CPNE8: variants seen among roughly 807,000 people sequenced by gnomAD.
The protein encoded by CPNE8 is copine-8.
Under a neutral mutation model 81.5 loss-of-function variants are expected in CPNE8, and 45 were observed. The ratio of observed to expected loss-of-function variants is 0.55; its 90% confidence interval spans 0.44 to 0.71. The LOEUF is 0.71. Among genes scored for constraint, CPNE8 ranks in the 30% least tolerant of loss-of-function variants. The pLI is 0.00. For synonymous variants in CPNE8, 252 were observed against 226.3 expected (o/e 1.11, Z -1.02); for missense variants, 594 against 672.1 (o/e 0.88, Z 1.28).
At chr12:38,751,657 T>C (rs1398297658) in intron 10 of CPNE8, among the ~76,000 whole-genome samples, 1 of 152,150 alleles carries the variant, frequency 6.6e-6, no homozygotes, top group Non-Finnish European at 1.5e-5. Flanking sequence ...TTTTCAGTGA[T>C]AGAGTTAATC....
At chr12:38,724,714 C>A in intron 12 of CPNE8, 132 bp downstream of exon 12, 1 of 585,638 alleles carries the variant, frequency 1.7e-6, no homozygotes, top group Non-Finnish European at 2.9e-6. Flanking sequence ...TATTGTGTTC[C>A]TTCATATTAA....
chr12:38,747,655 C>A (rs1038252217), intron 10 of CPNE8, among the ~76,000 whole-genome samples: 1 of 151,988 alleles, frequency 6.6e-6, no homozygotes, highest in African/African-American at 2.4e-5. Flanking sequence ...TAGACATTAG[C>A]CACCTGCATT....
At chr12:38,855,144 T>A (rs997044247) in intron 3 of CPNE8, among the ~76,000 whole-genome samples, 6 of 151,088 alleles carry the variant, frequency 4.0e-5, no homozygotes, top group South Asian at 2.1e-4. Context: ...CCATTCACAA[T>A]AACATGAAAA....
intron 6 of CPNE8, among the ~76,000 whole-genome samples, chr12:38,799,404 G>A (rs1254886883): frequency 4.6e-5 from 7 of 152,028 alleles, no homozygotes; most frequent in African/African-American, 1.7e-4. Flanking sequence ...ACTCTAAACT[G>A]CTCAACTACA....
At chr12:38,905,660 G>A, upstream of CPNE8, 1 of 1,486,498 alleles carries the variant, frequency 6.7e-7, no homozygotes, top group Non-Finnish European at 9.0e-7. Flanking sequence ...CGGAGGCAGC[G>A]CGCGGGATGG....
At chr12:38,842,238 T>G (rs1161796412) in intron 4 of CPNE8, among the ~76,000 whole-genome samples, 2 of 152,076 alleles carry the variant, frequency 1.3e-5, no homozygotes, top group Non-Finnish European at 2.9e-5. Flanking sequence ...ATAAGAAAAT[T>G]TTTTTAAAGG....
At chr12:38,681,401 C>T (rs896051546) in intron 16 of CPNE8, among the ~76,000 whole-genome samples, 60 of 151,954 alleles carry the variant, frequency 3.9e-4, no homozygotes, top group Admixed American at 1.6e-3. Context: ...TTTAGACATT[C>T]AACATAGTAT....
chr12:38,739,293 A>C (rs1371122619), intron 10 of CPNE8, among the ~76,000 whole-genome samples: 3 of 152,218 alleles, frequency 2.0e-5, no homozygotes, highest in Non-Finnish European at 4.4e-5. Context: ...AAGACTTTTT[A>C]TTAGAAGTCT....
At chr12:38,797,390 C>T (rs752662651) in intron 6 of CPNE8, among the ~76,000 whole-genome samples, 27 of 152,118 alleles carry the variant, frequency 1.8e-4, no homozygotes, top group South Asian at 2.1e-4. Flanking sequence ...TCGTGTTTCA[C>T]GAAAATCCGC....
intron 6 of CPNE8, among the ~76,000 whole-genome samples, chr12:38,805,815 A>G (rs1039254705): frequency 6.7e-6 from 1 of 149,760 alleles, no homozygotes; most frequent in African/African-American, 2.4e-5. Context: ...TGAATCCAGG[A>G]GCTGGTTTTT....
chr12:38,886,783 G>A (rs1944243613), intron 1 of CPNE8, among the ~76,000 whole-genome samples: 1 of 152,122 alleles, frequency 6.6e-6, no homozygotes, highest in East Asian at 1.9e-4. Context: ...AGGGTCTGGT[G>A]GAAGGAATAT....
At position 38,748,932 on chromosome 12, in the gene CPNE8, A is replaced by G. The variant is rs189825995; in HGVS notation, c.722+11915T>C. Among the ~76,000 whole-genome samples the G allele has an allele frequency of 2.8e-3, 420 of 152,280 alleles. 4 individuals carry two copies. The highest frequency in any genetic ancestry group is 9.7e-3 in the African/African-American group (402 of 41,556). On this transcript the variant is annotated intron_variant, in intron 10 of 19. Coordinates refer to ENST00000331366, the MANE Select transcript of CPNE8 (RefSeq NM_153634.3). ...AAGTTATTTAGTTTAAATAGTTTAC[A>G]TTAGTTTAAATGTTATTTGTTATAT...
intron 10 of CPNE8, among the ~76,000 whole-genome samples, chr12:38,740,987 C>A (rs1941086485): frequency 6.6e-6 from 1 of 151,994 alleles, no homozygotes; most frequent in Non-Finnish European, 1.5e-5. Context: ...CCTTGAAGGA[C>A]CTCTTCAGGG....
rs550237752 is a variant in CPNE8 at position 38,876,035 on chromosome 12, A to C, written c.99-1524T>G. ...TTATGCTGTTTCTTTCAGAATTCACAAAAAAACAGAGATGACAGTGCAAAA... is the reference window on the plus strand; with the variant it reads ...TTATGCTGTTTCTTTCAGAATTCACCAAAAAACAGAGATGACAGTGCAAAA... On this transcript the variant is annotated intron_variant, in intron 1 of 19. Transcript: ENST00000331366. Among the ~76,000 whole-genome samples the C allele has an allele frequency of 2.0e-5, 3 of 152,306 alleles. No individual in the cohort carries two copies. In the East Asian group the frequency reaches 5.8e-4, roughly 29 times the overall value.
intron 16 of CPNE8, among the ~76,000 whole-genome samples, chr12:38,682,337 C>T (rs571614115): frequency 1.1e-4 from 17 of 152,260 alleles, no homozygotes; most frequent in Middle Eastern, 3.4e-3. Context: ...GCGGGCGGAT[C>T]GCCTGAGGTC....
intron 18 of CPNE8, chr12:38,671,021 T>G: frequency 2.1e-6 from 1 of 470,590 alleles, no homozygotes; most frequent in East Asian, 4.0e-5. Flanking sequence ...TTGTGACTCT[T>G]TGAAAGGTGA....
intron 10 of CPNE8, among the ~76,000 whole-genome samples, chr12:38,750,546 G>A (rs1185239495): frequency 6.6e-6 from 1 of 152,194 alleles, no homozygotes; most frequent in African/African-American, 2.4e-5. Context: ...CTGGCTGTGA[G>A]ACACGGAGTC....
intron 1 of CPNE8, among the ~76,000 whole-genome samples, chr12:38,899,555 G>T (rs1944431424): frequency 6.6e-6 from 1 of 152,008 alleles, no homozygotes; most frequent in Non-Finnish European, 1.5e-5. Context: ...TTTTATATAA[G>T]GCTTTACCTT....
At chr12:38,760,779 G>A in intron 10 of CPNE8, 68 bp downstream of exon 10, 1 of 1,186,250 alleles carries the variant, frequency 8.4e-7, no homozygotes. Context: ...TAAAAATGTG[G>A]TCATTTCAAT....
Sources: gnomAD v4.1 joint callset for allele counts (sites outside exome capture counted in the v4.1 genomes callset) on GRCh38, gnomAD v4.1.1 for gene constraint, MANE v1.5 for transcripts, NCBI Gene and HGNC (gene_info 2026-07-23, HGNC 2026-07-21) for gene names.